KLHL13: variants seen among roughly 807,000 people sequenced by gnomAD.
KLHL13 encodes the protein kelch-like protein 13.
In KLHL13, 10 loss-of-function variants were observed where a neutral mutation model predicts 37.1. The observed-to-expected ratio is 0.27, with a 90% confidence interval of 0.17 to 0.46. KLHL13 has a LOEUF of 0.46. Ranked by LOEUF, KLHL13 falls within the 20% of genes least tolerant of loss-of-function variation. The probability of loss-of-function intolerance (pLI) is 1.00; values close to 1 mark genes in which losing one functional copy is unlikely to be tolerated. For synonymous variants in KLHL13, 163 were observed against 181.2 expected (o/e 0.90, Z 0.81); for missense variants, 360 against 509.3 (o/e 0.71, Z 2.82).
At chrX:118,090,865 C>T (rs1456555615) in intron 1 of KLHL13, among the ~76,000 whole-genome samples, 3 of 108,947 alleles carry the variant, frequency 2.8e-5, no homozygotes, top group Non-Finnish European at 5.7e-5. Context: ...ATAGCAAAGA[C>T]TTGGAACCAA....
At chrX:117,972,740 G>A in exon 1 of KLHL13, 1 of 1,200,020 alleles carries the variant, frequency 8.3e-7, no homozygotes, top group Non-Finnish European at 1.1e-6. Flanking sequence ...CATGTATGCT[G>A]GAGAAAGTGG....
chrX:118,016,785 T>A, intron 1 of KLHL13, among the ~76,000 whole-genome samples: 1 of 111,471 alleles, frequency 9.0e-6, no homozygotes, highest in Non-Finnish European at 1.9e-5. Flanking sequence ...TCAGTATGGG[T>A]CTTGAGGAAC....
chrX:118,096,514 G>C (rs1375543674), intron 1 of KLHL13, among the ~76,000 whole-genome samples: 10 of 111,581 alleles, frequency 9.0e-5, no homozygotes, highest in Non-Finnish European at 1.5e-4. Flanking sequence ...GGAGGAGCTG[G>C]TACCATTCCT....
chrX:118,000,097 A>C, intron 1 of KLHL13, among the ~76,000 whole-genome samples: 1 of 111,947 alleles, frequency 8.9e-6, no homozygotes, highest in Admixed American at 9.5e-5. Flanking sequence ...ATGGATAGAA[A>C]CCTAAGCTAC....
chrX:117,953,809 A>G (rs1483905482), intron 1 of KLHL13, among the ~76,000 whole-genome samples: 2 of 111,954 alleles, frequency 1.8e-5, no homozygotes, highest in African/African-American at 6.5e-5. Context: ...GTTATAGGCA[A>G]GTAATTTTCT....
intron 4 of KLHL13, among the ~76,000 whole-genome samples, chrX:117,912,841 T>A (rs6645415): frequency 9.0e-6 from 1 of 111,588 alleles, no homozygotes; most frequent in South Asian, 3.7e-4. Context: ...CAACAGCTAC[T>A]ATACTGTGAG....
intron 1 of KLHL13, chrX:117,946,782 T>C (rs1329867259): frequency 8.9e-6 from 1 of 112,314 alleles, no homozygotes; most frequent in African/African-American, 3.2e-5. Flanking sequence ...TCACCTTTTT[T>C]TCCTGTCATA....
At chrX:117,908,236 ATTTAC>A (rs1027596041) in intron 5 of KLHL13, among the ~76,000 whole-genome samples, 5 of 106,701 alleles carry the variant, frequency 4.7e-5, no homozygotes, top group Non-Finnish European at 9.7e-5. Context: ...TTTTTTATTT[ATTTAC>A]TTATTTATTT....
intron 1 of KLHL13, among the ~76,000 whole-genome samples, chrX:118,001,281 C>T (rs985648860): frequency 1.5e-4 from 17 of 111,617 alleles, no homozygotes; most frequent in Admixed American, 5.7e-4. Context: ...TGGGGCAGGA[C>T]TATCGTAATA....
intron 1 of KLHL13, chrX:117,985,251 T>C (rs1205723562): frequency 1.8e-5 from 21 of 1,141,566 alleles, no homozygotes; most frequent in Non-Finnish European, 2.4e-5. Flanking sequence ...AATAAGCCCA[T>C]TTTTCTCTTA....
chrX:117,970,106 G>C (rs5955993), intron 1 of KLHL13, among the ~76,000 whole-genome samples: 17,494 of 110,963 alleles, frequency 0.16, 1,827 homozygotes, highest in African/African-American at 0.38. Context: ...ACCATGGAGC[G>C]TTTAGATTTT....
chrX:118,088,494 T>C (rs2055080011), intron 1 of KLHL13, among the ~76,000 whole-genome samples: 1 of 111,999 alleles, frequency 8.9e-6, no homozygotes. Flanking sequence ...AAGTAAATTC[T>C]TACAGATATA....
intron 1 of KLHL13, among the ~76,000 whole-genome samples, chrX:117,968,553 C>T (rs1482608502): frequency 8.9e-6 from 1 of 111,749 alleles, no homozygotes; most frequent in East Asian, 2.8e-4. Flanking sequence ...TATTTTTCCA[C>T]ATAATTTTGT....
chrX:118,075,965 GT>G lies in KLHL13; in HGVS notation c.-56+40542del, dbSNP rs34495894. Among the ~76,000 whole-genome samples the G allele has an allele frequency of 9.6e-3, 1,062 of 110,063 alleles. 17 individuals are homozygous for G. The highest frequency in any genetic ancestry group is 0.031 in the African/African-American group (954 of 30,334). On this transcript the variant is annotated intron_variant, in intron 1 of 6. Coordinates refer to the KLHL13 transcript ENST00000371882. ...ATACTTCATTAAAATAGTTAAGACA[GT>G]TTTTTTTTAAGTAAAAGCAAGTTTA...
intron 1 of KLHL13, among the ~76,000 whole-genome samples, chrX:118,067,279 T>C (rs1281488798): frequency 9.0e-6 from 1 of 111,334 alleles, no homozygotes; most frequent in Non-Finnish European, 1.9e-5. Flanking sequence ...AGATAAAAAA[T>C]GGTACACCTG....
At chrX:118,037,458 A>G (rs1334249568) in intron 1 of KLHL13, among the ~76,000 whole-genome samples, 3 of 95,956 alleles carry the variant, frequency 3.1e-5, no homozygotes, top group Middle Eastern at 5.0e-3. Flanking sequence ...CATGGATGAA[A>G]TTGGAAATCA....
chrX:118,034,196 A>G (rs1602671144), intron 1 of KLHL13, among the ~76,000 whole-genome samples: 1 of 104,772 alleles, frequency 9.5e-6, no homozygotes, highest in South Asian at 4.1e-4. Flanking sequence ...ACAGAAAGTT[A>G]ACAAGGATAT....
chrX:118,059,433 A>G (rs1351199186), intron 1 of KLHL13, among the ~76,000 whole-genome samples: 2 of 111,593 alleles, frequency 1.8e-5, no homozygotes, highest in African/African-American at 3.3e-5. Flanking sequence ...CCCTAAAGCT[A>G]TATCAATCAT....
intron 1 of KLHL13, among the ~76,000 whole-genome samples, chrX:117,980,313 T>C (rs2053645941): frequency 8.9e-6 from 1 of 112,106 alleles, no homozygotes; most frequent in Non-Finnish European, 1.9e-5. Context: ...TGCCATATTC[T>C]ATATTATTTC....
Sources: gnomAD v4.1 joint callset for allele counts (sites outside exome capture counted in the v4.1 genomes callset) on GRCh38, gnomAD v4.1.1 for gene constraint, MANE v1.5 for transcripts, NCBI Gene and HGNC (gene_info 2026-07-23, HGNC 2026-07-21) for gene names.